Variants in PIEZO2 observed in about 807,000 individuals in gnomAD.
PIEZO2 encodes piezo type mechanosensitive ion channel component 2, also known as piezo-type mechanosensitive ion channel component 2.
Under a neutral mutation model 337.3 loss-of-function variants are expected in PIEZO2, and 172 were observed. The ratio of observed to expected loss-of-function variants is 0.51; its 90% confidence interval spans 0.45 to 0.58. The LOEUF (loss-of-function observed/expected upper bound fraction) is 0.58, where lower values mean the gene tolerates loss of function less well. PIEZO2 is among the 20% of genes least tolerant of loss of function. PIEZO2 has a pLI of 0.00. For synonymous variants in PIEZO2, 1,251 were observed against 1,228.5 expected (o/e 1.02, Z -0.38); for missense variants, 3,028 against 3,391.3 (o/e 0.89, Z 2.66).
intron 3 of PIEZO2, among the ~76,000 whole-genome samples, chr18:10,921,848 C>T (rs2031433510): frequency 6.6e-6 from 1 of 152,082 alleles, no homozygotes; most frequent in Admixed American, 6.5e-5. Context: ...TTGAGTGTGG[C>T]CGTCTTCTAT....
At chr18:11,006,392 T>A (rs2145632509) in intron 2 of PIEZO2, among the ~76,000 whole-genome samples, 1 of 152,342 alleles carries the variant, frequency 6.6e-6, no homozygotes, top group South Asian at 2.1e-4. Flanking sequence ...ATAAGTCATA[T>A]GTTAATCAGC....
chr18:10,811,870 G>A (rs1311043300), intron 7 of PIEZO2, among the ~76,000 whole-genome samples: 1 of 152,172 alleles, frequency 6.6e-6, no homozygotes, highest in South Asian at 2.1e-4. Flanking sequence ...GTCTCGCTCT[G>A]TCGCCCAGGC....
At chr18:11,138,279 T>TTTG (rs951757013) in intron 1 of PIEZO2, among the ~76,000 whole-genome samples, 5 of 152,308 alleles carry the variant, frequency 3.3e-5, no homozygotes, top group South Asian at 2.1e-4. Context: ...TAGTGTTTTT[T>TTTG]TTGTTGTTGT....
chr18:11,044,146 G>T (rs915773510), intron 2 of PIEZO2, among the ~76,000 whole-genome samples: 1 of 141,000 alleles, frequency 7.1e-6, no homozygotes, highest in South Asian at 2.3e-4. Context: ...TTGTGTTTGT[G>T]TATACTAATA....
Position 10,713,928 on chromosome 18 carries a change from T to TG in PIEZO2, c.5423+835dup, listed in dbSNP as rs11382131. ...TTATCAGCTATCTAGAACACTGTGA[T>TG]GCAAAGAATTCTGAGGCTTTTCTGG... On this transcript the variant is annotated intron_variant, in intron 39 of 55. Coordinates refer to ENST00000674853, the MANE Select transcript of PIEZO2 (RefSeq NM_001378183.1). The surrounding 1 kb of genome is among the most constrained non-coding windows in gnomAD (Gnocchi z 4.5). 0.086 allele frequency among the ~76,000 whole-genome samples: 13,074 copies of TG among 152,204 alleles called. 911 individuals are homozygous for TG. Among genetic ancestry groups the TG allele is most frequent in the East Asian group, 0.21 (1,102 of 5,170 alleles).
intron 2 of PIEZO2, among the ~76,000 whole-genome samples, chr18:11,044,448 A>G (rs925852772): frequency 2.6e-5 from 4 of 152,190 alleles, no homozygotes; most frequent in Non-Finnish European, 5.9e-5. Flanking sequence ...TCTAAAAAAC[A>G]TTTCAGAAAA....
chr18:10,673,843 GGAA>G lies in PIEZO2; in HGVS notation c.8162-973_8162-971del, dbSNP rs1408798200. ...TCTTTTGGGTTCGCTGGGCCACATT[GGAA>G]GAAGAAGAATTGTCTTGGGTCACCC... On this transcript the variant is annotated intron_variant, in intron 54 of 55. Coordinates refer to ENST00000674853, the MANE Select transcript of PIEZO2 (RefSeq NM_001378183.1). The surrounding 1 kb of genome is among the most constrained non-coding windows in gnomAD (Gnocchi z 4.8). 5.3e-5 allele frequency among the ~76,000 whole-genome samples: 8 copies of G among 152,118 alleles called. No individual in the cohort carries two copies. Among genetic ancestry groups the G allele is most frequent in the Non-Finnish European group, 1.2e-4 (8 of 68,026 alleles).
rs1036688326 is a variant in PIEZO2 at position 10,815,648 on chromosome 18, T to C, written c.918-8374A>G. ...ATGTATATAGTTCAAGCTAGAATGA[T>C]ACATCTTTTGTTTCCACAGCAACGT... On this transcript the variant is annotated intron_variant, in intron 7 of 55. Coordinates refer to ENST00000674853, the MANE Select transcript of PIEZO2 (RefSeq NM_001378183.1). This position sits in a 1 kb window ranked among gnomAD's most constrained non-coding sequence, Gnocchi z 4.1. Among the ~76,000 whole-genome samples the C allele has an allele frequency of 6.6e-6, 1 of 152,216 alleles. No individual in the cohort carries two copies. Among genetic ancestry groups the C allele is most frequent in the Non-Finnish European group, 1.5e-5 (1 of 68,040 alleles).
chr18:10,697,955 C>G lies in PIEZO2; in HGVS notation c.6695-75G>C, dbSNP rs1029777986. The stretch of plus-strand genomic sequence containing the variant: ...TCACCTAAATATCCAAGAAGCAGAA[C>G]CCAGAGCCCACATGGTGGAGGGATA... On this transcript the variant is annotated intron_variant, in intron 44 of 55. Transcript: ENST00000674853. The G allele has an allele frequency of 1.3e-5, 19 of 1,512,524 alleles. No individual in the cohort carries two copies. The South Asian group carries it at 2.4e-4, about 19-fold the overall frequency. 93.7% of individuals were successfully genotyped at this position (1,512,524 alleles called of 1,614,324 possible).
intron 3 of PIEZO2, among the ~76,000 whole-genome samples, chr18:10,971,765 C>A (rs939484042): frequency 9.9e-5 from 15 of 152,142 alleles, no homozygotes; most frequent in African/African-American, 3.6e-4. Flanking sequence ...TCCTCAAAAT[C>A]TAATTAACCA....
Position 10,789,437 on chromosome 18 carries a change from G to A in PIEZO2, c.1883-72C>T, listed in dbSNP as rs1272311793. 23 of 1,443,292 alleles carry A rather than the reference G, an allele frequency of 1.6e-5. No homozygotes were observed. In the Admixed American group the frequency reaches 5.7e-4, roughly 36 times the overall value. 89.4% of individuals were successfully genotyped at this position (1,443,292 alleles called of 1,614,324 possible). A position where few individuals can be genotyped will look rare whatever the true frequency, so the allele number is the denominator to read the frequency against. On this transcript the variant is annotated intron_variant, in intron 14 of 55. Transcript: ENST00000674853. Reference sequence around the variant, plus strand: ...AGACCACACTTTGACCATGTGATAGGTATAGGATGTAGAGGCATGCATTTT... The same window carrying A: ...AGACCACACTTTGACCATGTGATAGATATAGGATGTAGAGGCATGCATTTT...
intron 5 of PIEZO2, among the ~76,000 whole-genome samples, chr18:10,860,649 T>C (rs987810121): frequency 7.9e-5 from 12 of 152,206 alleles, no homozygotes; most frequent in Non-Finnish European, 5.9e-5. Flanking sequence ...CCTTTAGTCA[T>C]TGCACTTGAA....
chr18:10,910,883 C>T (rs1269168723), intron 4 of PIEZO2, among the ~76,000 whole-genome samples: 1 of 151,888 alleles, frequency 6.6e-6, no homozygotes, highest in Non-Finnish European at 1.5e-5. Flanking sequence ...GAGAGTCAAC[C>T]ATTTCCTGGG....
chr18:11,144,544 A>G (rs1433656641), intron 1 of PIEZO2, among the ~76,000 whole-genome samples: 2 of 152,222 alleles, frequency 1.3e-5, no homozygotes, highest in Non-Finnish European at 2.9e-5. Flanking sequence ...AGGAAAATAC[A>G]TCATGCTATA....
intron 4 of PIEZO2, among the ~76,000 whole-genome samples, chr18:10,902,931 C>T (rs981701500): frequency 6.6e-6 from 1 of 152,136 alleles, no homozygotes; most frequent in African/African-American, 2.4e-5. Context: ...ATGCAATGTG[C>T]CTCGAATTGT....
At position 10,682,019 on chromosome 18, in the gene PIEZO2, A is replaced by G; in HGVS notation, c.7686+85T>C. 3 of 1,337,120 alleles carry G rather than the reference A, an allele frequency of 2.2e-6. No homozygotes were observed. Among genetic ancestry groups the G allele is most frequent in the African/African-American group, 1.5e-5 (1 of 67,800 alleles). The allele number at this position is 1,337,120 out of a possible 1,614,324, so 82.8% of individuals were successfully genotyped here. A position where few individuals can be genotyped will look rare whatever the true frequency, so the allele number is the denominator to read the frequency against. The stretch of plus-strand genomic sequence containing the variant: ...ATGCCGACAGCAGGGTCGGCAGCCC[A>G]TGACTAAACACCCTACAGACAGCTA... On this transcript the variant is annotated intron_variant, in intron 50 of 55. Coordinates refer to ENST00000674853, the MANE Select transcript of PIEZO2 (RefSeq NM_001378183.1). This position sits in a 1 kb window ranked among gnomAD's most constrained non-coding sequence, Gnocchi z 5.6.
rs1436716624 is a variant in PIEZO2 at position 10,714,920 on chromosome 18, G to A, written c.5267C>T (p.Pro1756Leu). 1 of 1,537,134 alleles carries A rather than the reference G, an allele frequency of 6.5e-7. No individual in the cohort carries two copies. Among genetic ancestry groups the A allele is most frequent in the Non-Finnish European group, 8.7e-7 (1 of 1,146,860 alleles). Reference sequence around the variant, plus strand: ...GTACATGTGGATGCTCTCCCGAGTTGGAACATTGCCCTGAGGAGAATGAGA... The same window carrying A: ...GTACATGTGGATGCTCTCCCGAGTTAGAACATTGCCCTGAGGAGAATGAGA... The part of the protein sequence containing the change: ...LTREIKKGNV[P>L]TRESIHMYYQ... The change falls in exon 39 of 56, where the codon CCA becomes CTA. Residue 1756 changes from proline (P) to leucine (L), a missense_variant. Pro to Leu is a moderately conservative substitution (Grantham distance 98, BLOSUM62 -3). Transcript: ENST00000674853.
intron 28 of PIEZO2, among the ~76,000 whole-genome samples, chr18:10,751,920 T>A (rs1387711529): frequency 6.6e-6 from 1 of 152,114 alleles, no homozygotes; most frequent in Non-Finnish European, 1.5e-5. Context: ...TTGCATGTCA[T>A]GTTAGGGGAA....
At chr18:10,706,449 C>A (rs2035590539) in intron 40 of PIEZO2, among the ~76,000 whole-genome samples, 1 of 152,126 alleles carries the variant, frequency 6.6e-6, no homozygotes. Flanking sequence ...CCACTCTCTT[C>A]CCACGCAAGC....
Sources: allele counts gnomAD v4.1 joint callset (sites outside exome capture counted in the v4.1 genomes callset), GRCh38; gene constraint gnomAD v4.1.1; non-coding constraint Gnocchi (gnomAD v3.1); transcripts MANE v1.5; gene names NCBI Gene and HGNC (gene_info 2026-07-23, HGNC 2026-07-21).